Variants in CBLL1 observed in about 807,000 individuals in gnomAD.
The protein encoded by CBLL1 is E3 ubiquitin-protein ligase Hakai.
Under a neutral mutation model 44.9 loss-of-function variants are expected in CBLL1, and 4 were observed. The observed-to-expected ratio is 0.09, with a 90% confidence interval of 0.04 to 0.20. The LOEUF (loss-of-function observed/expected upper bound fraction) is 0.20, where lower values mean the gene tolerates loss of function less well. Ranked by LOEUF, CBLL1 falls within the 10% of genes least tolerant of loss-of-function variation. The probability of loss-of-function intolerance (pLI) is 1.00; values close to 1 mark genes in which losing one functional copy is unlikely to be tolerated. For synonymous variants in CBLL1, 235 were observed against 202.2 expected, an observed-to-expected ratio of 1.16 and a Z score of -1.38; for missense variants, 569 against 636.7, an observed-to-expected ratio of 0.89 and a Z score of 1.14.
chr7:107,750,285 G>C (rs539886355), intron 2 of CBLL1, among the ~76,000 whole-genome samples: 25 of 151,518 alleles, frequency 1.6e-4, no homozygotes, highest in Middle Eastern at 3.4e-3. Context: ...TTTGAATTTT[G>C]TATACAAAAT....
At chr7:107,750,981 T>C (rs556961898) in intron 2 of CBLL1, among the ~76,000 whole-genome samples, 97 of 143,546 alleles carry the variant, frequency 6.8e-4, no homozygotes, top group Non-Finnish European at 3.7e-4. Flanking sequence ...GGGGTCTGGC[T>C]TTTTTTTTTT....
chr7:107,753,725 GAAAAACTAATGGTAT>G (rs1306112629), intron 3 of CBLL1, among the ~76,000 whole-genome samples, 155 bp from the exon 4 acceptor site: 1 of 151,960 alleles, frequency 6.6e-6, no homozygotes, highest in African/African-American at 2.4e-5. Context: ...ACACTAAGAA[GAAAAACTAATGGTAT>G]CACAACTAAT....
chr7:107,746,828 C>G (rs1562858389), intron 1 of CBLL1, among the ~76,000 whole-genome samples: 1 of 152,170 alleles, frequency 6.6e-6, no homozygotes, highest in Non-Finnish European at 1.5e-5. Context: ...ATTCTTTGGT[C>G]ATTCTAAGAA....
chr7:107,756,382 T>C (rs1261861836), intron 5 of CBLL1, among the ~76,000 whole-genome samples: 2 of 152,204 alleles, frequency 1.3e-5, no homozygotes, highest in East Asian at 3.8e-4. Flanking sequence ...AACAGCTCAG[T>C]GACAACTAAT....
At chr7:107,754,482 C>T (rs1793441482) in intron 4 of CBLL1, among the ~76,000 whole-genome samples, 1 of 151,722 alleles carries the variant, frequency 6.6e-6, no homozygotes, top group African/African-American at 2.4e-5. Flanking sequence ...CACATTTCTT[C>T]CCTCCAAAAA....
At chr7:107,755,164 T>C (rs1258536563) in intron 4 of CBLL1, among the ~76,000 whole-genome samples, 3 of 152,102 alleles carry the variant, frequency 2.0e-5, no homozygotes, top group Non-Finnish European at 1.5e-5. Flanking sequence ...GTGAAATTTA[T>C]AGGGTTTACA....
intron 2 of CBLL1, among the ~76,000 whole-genome samples, chr7:107,750,489 G>A (rs1051754410): frequency 1.3e-5 from 2 of 151,728 alleles, no homozygotes; most frequent in Non-Finnish European, 2.9e-5. Flanking sequence ...TATTTTTAGT[G>A]GAGACGGGGT....
rs1381163638 is a variant in CBLL1 at position 107,745,042 on chromosome 7, GTTTA to G, written c.13+872_13+875del. Among the ~76,000 whole-genome samples, 6 of 152,194 alleles carry G rather than the reference GTTTA, an allele frequency of 3.9e-5. No individual in the cohort carries two copies. The South Asian group carries it at 8.3e-4, about 21-fold the overall frequency. Reference sequence around the variant, plus strand: ...CTTGGTTATATAATTAGGTGTGTATGTTTATTTATGTAGGTGTGTATGTTTATTT... The same window carrying G: ...CTTGGTTATATAATTAGGTGTGTATGTTTATGTAGGTGTGTATGTTTATTT... On this transcript the variant is annotated intron_variant, in intron 1 of 5. Coordinates refer to ENST00000440859, the MANE Select transcript of CBLL1 (RefSeq NM_024814.4).
chr7:107,750,942 C>CA (rs1361059439), intron 2 of CBLL1, among the ~76,000 whole-genome samples: 1 of 150,164 alleles, frequency 6.7e-6, no homozygotes, highest in Non-Finnish European at 1.5e-5. Flanking sequence ...TGCTTTAGAA[C>CA]ATTTATGGTT....
At chr7:107,755,591 A>G in intron 5 of CBLL1, 100 bp downstream of exon 5, 1 of 588,018 alleles carries the variant, frequency 1.7e-6, no homozygotes, top group Non-Finnish European at 2.8e-6. Flanking sequence ...ATCAGGCAGG[A>G]GATGAAACAT....
intron 1 of CBLL1, among the ~76,000 whole-genome samples, chr7:107,745,122 G>A (rs1041955857): frequency 1.3e-5 from 2 of 152,312 alleles, no homozygotes; most frequent in Non-Finnish European, 2.9e-5. Context: ...AGATGGAATG[G>A]TAAACGAGAC....
chr7:107,752,684 G>C lies in CBLL1; in HGVS notation c.182-727G>C, dbSNP rs1793358154. On this transcript the variant is annotated intron_variant, in intron 2 of 5. Coordinates refer to ENST00000440859, the MANE Select transcript of CBLL1 (RefSeq NM_024814.4). Reference sequence around the variant, plus strand: ...GGTTTTCTGTTCTTTTGTAGGAGTTGAGAAGATTGCCATCAACTTTTTAAT... The same window carrying C: ...GGTTTTCTGTTCTTTTGTAGGAGTTCAGAAGATTGCCATCAACTTTTTAAT... 8 of 838,618 alleles carry C rather than the reference G, an allele frequency of 9.5e-6. No individual in the cohort carries two copies. The South Asian group carries it at 1.2e-4, about 13-fold the overall frequency. The allele number at this position is 838,618 out of a possible 1,614,324, so 51.9% of individuals were successfully genotyped here.
chr7:107,755,359 A>G (rs1333887015), intron 4 of CBLL1, 59 bp from the exon 5 acceptor site: 3 of 848,194 alleles, frequency 3.5e-6, no homozygotes, highest in Non-Finnish European at 5.1e-6. Flanking sequence ...CTATATATAT[A>G]TATTTTAAAA....
chr7:107,753,681 T>C (rs1793408668), intron 3 of CBLL1, among the ~76,000 whole-genome samples, 170 bp downstream of exon 3: 1 of 152,094 alleles, frequency 6.6e-6, no homozygotes, highest in South Asian at 2.1e-4. Flanking sequence ...CAAGAATAAT[T>C]TGAAGTAATT....
chr7:107,744,241 C>T (rs1792883259), intron 1 of CBLL1, 65 bp downstream of exon 1: 3 of 1,486,086 alleles, frequency 2.0e-6, no homozygotes, highest in East Asian at 5.2e-5. Flanking sequence ...GGGCTGGTCG[C>T]ACAGCAGGCA....
chr7:107,755,790 G>T (rs1326527942), intron 5 of CBLL1, among the ~76,000 whole-genome samples: 1 of 152,082 alleles, frequency 6.6e-6, no homozygotes, highest in Non-Finnish European at 1.5e-5. Context: ...AAGATATATT[G>T]AGAGCAAAGA....
At chr7:107,757,602 A>G (rs1238363631) in intron 5 of CBLL1, among the ~76,000 whole-genome samples, 4 of 152,222 alleles carry the variant, frequency 2.6e-5, no homozygotes, top group Non-Finnish European at 4.4e-5. Context: ...TCTTTAAAGG[A>G]CTTTTAGTAG....
At chr7:107,755,023 G>A (rs1047911115) in intron 4 of CBLL1, among the ~76,000 whole-genome samples, 2 of 152,118 alleles carry the variant, frequency 1.3e-5, no homozygotes, top group African/African-American at 4.8e-5. Flanking sequence ...CTATTCTGGA[G>A]GCTGAGGTGG....
In CBLL1 at chr7:107,744,182, G is replaced by A. The variant is rs373998247; in HGVS notation, c.13+6G>A. 5 of 1,550,544 alleles carry A rather than the reference G, an allele frequency of 3.2e-6. No individual in the cohort carries two copies. In the East Asian group the frequency reaches 1.2e-4, roughly 38 times the overall value. On this transcript the variant is annotated splice_donor_region_variant and intron_variant, in intron 1 of 5. Transcript: ENST00000440859. ...CCGAATCATGGATCACACTGGTAAG[G>A]AGGCGGAGGCAGTGGGGGTCCCGGT...
Sources: gnomAD v4.1 joint callset for allele counts (sites outside exome capture counted in the v4.1 genomes callset) on GRCh38, gnomAD v4.1.1 for gene constraint, MANE v1.5 for transcripts, NCBI Gene and HGNC (gene_info 2026-07-23, HGNC 2026-07-21) for gene names.